Variants in RANBP2 observed in about 807,000 individuals in gnomAD.
RANBP2 encodes the protein E3 SUMO-protein ligase RanBP2.
Under a neutral mutation model 303.6 loss-of-function variants are expected in RANBP2, and 57 were observed. The ratio of observed to expected loss-of-function variants is 0.19; its 90% CI spans 0.15 to 0.23. The LOEUF (loss-of-function observed/expected upper bound fraction) is 0.23. RANBP2 is among the 10% of genes least tolerant of loss of function. RANBP2 has a pLI of 1.00. For missense variants in RANBP2, 3,138 were observed against 3,780.8 expected, an observed-to-expected ratio of 0.83 and a Z score of 4.46; for synonymous variants, 1,167 against 1,301.5, an observed-to-expected ratio of 0.90 and a Z score of 2.23.
At chr2:108,792,306 T>G in the RANBP2 span, among the ~76,000 whole-genome samples, 5 of 152,330 alleles carry the variant, frequency 3.3e-5, no homozygotes, top group Admixed American at 6.5e-5. Context: ...CATTTTCCTC[T>G]TTTCCCTCTC....
chr2:109,367,130 T>G, the RANBP2 span, among the ~76,000 whole-genome samples: 1 of 150,138 alleles, frequency 6.7e-6, no homozygotes. Flanking sequence ...TTTTTTTTTT[T>G]TTTTTTTTTT....
At chr2:108,974,221 T>C in the RANBP2 span, among the ~76,000 whole-genome samples, 1 of 147,468 alleles carries the variant, frequency 6.8e-6, no homozygotes, top group African/African-American at 2.5e-5. Flanking sequence ...TCCCAGCTAG[T>C]TGGGAGGTTG....
the RANBP2 span, among the ~76,000 whole-genome samples, chr2:109,211,333 T>A: frequency 6.6e-6 from 1 of 152,224 alleles, no homozygotes. Flanking sequence ...TTATTAATAA[T>A]GCTGGAGGCA....
chr2:109,584,523 C>T, the RANBP2 span, among the ~76,000 whole-genome samples: 31 of 137,722 alleles, frequency 2.3e-4, no homozygotes, highest in East Asian at 8.3e-4. Context: ...AAAAGGAAAA[C>T]GAACAAAAAG....
the RANBP2 span, among the ~76,000 whole-genome samples, chr2:109,342,082 T>C: frequency 1.3e-5 from 2 of 152,222 alleles, no homozygotes; most frequent in Non-Finnish European, 2.9e-5. Context: ...GGCCACATGC[T>C]GTGCTATACA....
chr2:108,995,966 A>G, the RANBP2 span, among the ~76,000 whole-genome samples: 1 of 152,158 alleles, frequency 6.6e-6, no homozygotes, highest in Non-Finnish European at 1.5e-5. Context: ...AGACTAATTA[A>G]TTTGCAGTTT....
At chr2:109,231,264 C>T in the RANBP2 span, among the ~76,000 whole-genome samples, 2 of 152,234 alleles carry the variant, frequency 1.3e-5, no homozygotes, top group African/African-American at 4.8e-5. Context: ...CTTTCTTCTA[C>T]AGCTGAGAGG....
chr2:109,032,744 A>C, the RANBP2 span, among the ~76,000 whole-genome samples: 1 of 152,198 alleles, frequency 6.6e-6, no homozygotes, highest in Non-Finnish European at 1.5e-5. Flanking sequence ...ATTTGATTTA[A>C]AGCTAAGATT....
At chr2:109,514,641 T>C in the RANBP2 span, among the ~76,000 whole-genome samples, 1 of 152,202 alleles carries the variant, frequency 6.6e-6, no homozygotes, top group Non-Finnish European at 1.5e-5. Flanking sequence ...CCTGCAGTGC[T>C]CTGCCAGAGT....
chr2:109,628,362 C>A, the RANBP2 span, among the ~76,000 whole-genome samples: 9 of 152,090 alleles, frequency 5.9e-5, no homozygotes, highest in South Asian at 2.1e-4. Flanking sequence ...GGTGTGGTGG[C>A]TTGCGCCTGT....
chr2:108,752,824 C>G (rs933164302), intron 12 of RANBP2, among the ~76,000 whole-genome samples, 174 bp from the exon 13 acceptor site: 2 of 151,336 alleles, frequency 1.3e-5, no homozygotes, highest in African/African-American at 4.9e-5. Context: ...GTAGAATGAT[C>G]ACTGGTGTTA....
the RANBP2 span, among the ~76,000 whole-genome samples, chr2:108,850,589 T>C: frequency 0.041 from 6,252 of 151,986 alleles, 437 homozygotes; most frequent in African/African-American, 0.14. Flanking sequence ...GTAGCTGGGA[T>C]TACAGGCACG....
the RANBP2 span, among the ~76,000 whole-genome samples, chr2:109,432,031 A>G: frequency 6.6e-6 from 1 of 152,186 alleles, no homozygotes; most frequent in South Asian, 2.1e-4. Flanking sequence ...AGGCCAGGTT[A>G]TATTAAGTGA....
the RANBP2 span, among the ~76,000 whole-genome samples, chr2:109,343,758 T>C: frequency 6.6e-6 from 1 of 151,396 alleles, no homozygotes; most frequent in Admixed American, 6.6e-5. Flanking sequence ...TTTTTTTTTT[T>C]CTTAGACACA....
At chr2:109,459,172 A>C in the RANBP2 span, among the ~76,000 whole-genome samples, 1 of 152,162 alleles carries the variant, frequency 6.6e-6, no homozygotes, top group Admixed American at 6.5e-5. Flanking sequence ...ATATAAAGTC[A>C]GTGCAACTTA....
chr2:109,076,240 C>T, the RANBP2 span, among the ~76,000 whole-genome samples: 1 of 150,120 alleles, frequency 6.7e-6, no homozygotes, highest in Non-Finnish European at 1.5e-5. Context: ...AATCAATATC[C>T]ATTTATGACA....
chr2:108,847,854 C>T, the RANBP2 span, among the ~76,000 whole-genome samples: 8 of 152,146 alleles, frequency 5.3e-5, no homozygotes, highest in African/African-American at 1.9e-4. Flanking sequence ...TAACTGCCTT[C>T]TTAATTATTT....
the RANBP2 span, among the ~76,000 whole-genome samples, chr2:108,868,227 C>T: frequency 1.3e-5 from 2 of 152,092 alleles, no homozygotes; most frequent in Non-Finnish European, 2.9e-5. Flanking sequence ...AAGTTACTCG[C>T]GATAGATTTT....
chr2:109,614,053 A>G, the RANBP2 span: 3 of 1,212,232 alleles, frequency 2.5e-6, no homozygotes, highest in East Asian at 1.0e-4. Flanking sequence ...GCCTGCGCCA[A>G]GCGAGCCCCT....
Sources: allele counts gnomAD v4.1 joint callset (sites outside exome capture counted in the v4.1 genomes callset), GRCh38; gene constraint gnomAD v4.1.1; transcripts MANE v1.5; gene names NCBI Gene and HGNC (gene_info 2026-07-23, HGNC 2026-07-21).